The following ATP6V0A4 variants were observed in gnomAD, a reference collection of about 807,000 sequenced individuals.
ATP6V0A4 encodes V-type proton ATPase 116 kDa subunit a 4.
ATP6V0A4 carries 86 observed loss-of-function variants against 107.3 expected under a neutral mutation model. The ratio of observed to expected loss-of-function variants is 0.80; its 90% CI spans 0.67 to 0.96. The LOEUF (loss-of-function observed/expected upper bound fraction) is 0.96, where lower values mean the gene tolerates loss of function less well. Ranked by LOEUF, ATP6V0A4 falls within the 40% of genes least tolerant of loss-of-function variation. The probability of loss-of-function intolerance (pLI) is 0.00; values close to 1 mark genes in which losing one functional copy is unlikely to be tolerated. For synonymous variants in ATP6V0A4, 353 were observed against 381.4 expected, an observed-to-expected ratio of 0.93 and a Z score of 0.87; for missense variants, 908 against 1,045.6, an observed-to-expected ratio of 0.87 and a Z score of 1.81.
chr7:138,716,131 T>A (rs538548561), intron 19 of ATP6V0A4, among the ~76,000 whole-genome samples: 6 of 152,060 alleles, frequency 3.9e-5, no homozygotes, highest in Admixed American at 3.9e-4. Flanking sequence ...TAAGGGGAGA[T>A]GAGATTTGTG....
At chr7:138,712,748 C>G (rs1407562288) in intron 20 of ATP6V0A4, among the ~76,000 whole-genome samples, 1 of 150,452 alleles carries the variant, frequency 6.6e-6, no homozygotes, top group Admixed American at 6.6e-5. Flanking sequence ...CAAATGACCC[C>G]CTCAGTGTGT....
chr7:138,787,936 G>C (rs7802478), intron 1 of ATP6V0A4, among the ~76,000 whole-genome samples: 6,527 of 152,170 alleles, frequency 0.043, 188 homozygotes, highest in African/African-American at 0.082. Flanking sequence ...GGAGGTGGAG[G>C]CTACAGTGAG....
At chr7:138,743,807 C>A (rs1338993722) in intron 14 of ATP6V0A4, among the ~76,000 whole-genome samples, 1 of 152,168 alleles carries the variant, frequency 6.6e-6, no homozygotes, top group Non-Finnish European at 1.5e-5. Context: ...GTAGGTTTTA[C>A]AAATTAGCCC....
Position 138,752,659 on chromosome 7 carries a change from G to A in ATP6V0A4, c.995C>T (p.Ala332Val), listed in dbSNP as rs375991138. The A allele has an allele frequency of 6.2e-6, 10 of 1,613,706 alleles. No homozygotes were observed. Among genetic ancestry groups the A allele is most frequent in the African/African-American group, 1.3e-5 (1 of 74,906 alleles). ...IAEIWFPVAD[A>V]TRIKRALEQG... The stretch of plus-strand genomic sequence containing the variant: ...CTCCAGTGCCCTCTTGATACGTGTG[G>A]CATCTGCCACCGGGAACCAGATCTC... Residue 332 changes from alanine (A) to valine (V), a missense_variant, in exon 11 of 22, where the codon GCC becomes GTC. By Grantham distance (64) the Ala-to-Val change is moderately conservative. Transcript: ENST00000310018.
rs762619384 is a variant in ATP6V0A4 at position 138,715,867 on chromosome 7, G to A, written c.2154C>T (p.Asp718=). ...DDHGEEFNFG[D]VFVHQAIHTI... The stretch of plus-strand genomic sequence containing the variant: ...TGTGGATGGCTTGGTGGACAAAGAC[G>A]TCTCCAAAGTTGAACTGAAAGACGG... Residue 718 remains aspartate (D), a synonymous_variant, in exon 20 of 22, where the codon GAC becomes GAT. Transcript: ENST00000310018. 1.8e-5 allele frequency: 29 copies of A among 1,613,122 alleles called. 1 individual carries two copies. The highest frequency in any genetic ancestry group is 9.9e-5 in the South Asian group (9 of 91,028).
At chr7:138,762,522 G>C in intron 6 of ATP6V0A4, 88 bp from the exon 7 acceptor site, 2 of 1,571,000 alleles carry the variant, frequency 1.3e-6, no homozygotes, top group Middle Eastern at 1.7e-4. Flanking sequence ...TCTGGTTTTA[G>C]TGAAGCTTTA....
At chr7:138,731,852 C>T (rs1416457577) in intron 17 of ATP6V0A4, among the ~76,000 whole-genome samples, 1 of 151,868 alleles carries the variant, frequency 6.6e-6, no homozygotes, top group Non-Finnish European at 1.5e-5. Flanking sequence ...AAGATCGTGC[C>T]ACTGCACTCC....
intron 19 of ATP6V0A4, among the ~76,000 whole-genome samples, chr7:138,716,598 C>G (rs1334745002): frequency 2.0e-5 from 3 of 151,124 alleles, no homozygotes; most frequent in African/African-American, 7.3e-5. Flanking sequence ...GGGTCTTGCT[C>G]TGTCACTCAG....
chr7:138,788,814 T>C (rs1004917933), intron 1 of ATP6V0A4, among the ~76,000 whole-genome samples: 3 of 152,216 alleles, frequency 2.0e-5, no homozygotes, highest in African/African-American at 7.2e-5. Context: ...TCACACGCTT[T>C]CTTGCCTGCC....
chr7:138,769,312 CTTTT>C (rs540481545), intron 3 of ATP6V0A4, 61 bp from the exon 4 acceptor site: 1,010 of 1,320,212 alleles, frequency 7.7e-4, no homozygotes, highest in East Asian at 1.9e-3. Flanking sequence ...AGATTTCTTT[CTTTT>C]TTTTTTTTTT....
chr7:138,768,984 G>A, intron 4 of ATP6V0A4, 110 bp from the exon 5 acceptor site: 1 of 1,575,448 alleles, frequency 6.3e-7, no homozygotes, highest in African/African-American at 1.4e-5. Flanking sequence ...TACCTGAATT[G>A]TCCTAGGAGC....
chr7:138,707,182 A>G (rs1181947157), intron 21 of ATP6V0A4, among the ~76,000 whole-genome samples: 2 of 62,440 alleles, frequency 3.2e-5, no homozygotes, highest in African/African-American at 1.4e-4. Context: ...ATATTATATA[A>G]TATATTATAT....
intron 1 of ATP6V0A4, among the ~76,000 whole-genome samples, chr7:138,792,285 G>A (rs1326558667): frequency 9.9e-5 from 15 of 152,134 alleles, no homozygotes; most frequent in Admixed American, 4.6e-4. Flanking sequence ...CAGCCTGGGC[G>A]AGTGGGTAAA....
At chr7:138,769,139 A>G (rs1327221387) in intron 4 of ATP6V0A4, 34 bp downstream of exon 4, 2 of 1,527,984 alleles carry the variant, frequency 1.3e-6, no homozygotes, top group Non-Finnish European at 8.8e-7. Flanking sequence ...TTCACATTTG[A>G]ACAGTAAGAA....
chr7:138,797,844 G>T (rs1808758068), intron 1 of ATP6V0A4, 190 bp downstream of exon 1: 4 of 652,482 alleles, frequency 6.1e-6, no homozygotes, highest in South Asian at 3.6e-5. Context: ...GCGCTCAGGG[G>T]AGAAGGGCAC....
rs1806481582 is a variant in ATP6V0A4 at position 138,755,748 on chromosome 7, C to T, written c.757G>A (p.Ala253Thr). 6.2e-7 allele frequency: 1 copy of T among 1,613,756 alleles called. No homozygotes were observed. The highest frequency in any genetic ancestry group is 1.3e-5 in the African/African-American group (1 of 74,950). The change falls in exon 10 of 22, where the codon GCG becomes ACG. Residue 253 changes from alanine (A) to threonine (T), a missense_variant. Physicochemically the swap from Ala to Thr is moderately conservative, Grantham distance 58. Transcript: ENST00000310018. ...TCCAACATCTCTCTGCGCTCCACCG[C>T]AGGCTCTGGGCAAGGGTAGACAGTG... ...RATVYPCPEP[A>T]VERREMLESV...
rs531117418 is a variant in ATP6V0A4 at position 138,747,453 on chromosome 7, C to A, written c.1292G>T (p.Arg431Leu). Residue 431 changes from arginine (R) to leucine (L), a missense_variant, in exon 13 of 22, where the codon CGC (arginine) becomes CTC (leucine). Transcript: ENST00000310018. ...AALWMILNER[R>L]LLSQKTDNEI... ...ATTGTCTGTCTTCTGGGAGAGCAAG[C>A]GTCTCTCATTCAGAATCATCCAAAG... 6 of 1,614,148 alleles carry A rather than the reference C, an allele frequency of 3.7e-6. No homozygotes were observed. In the African/African-American group the frequency reaches 5.3e-5, roughly 14 times the overall value.
At chr7:138,730,248 A>T (rs1265374356) in intron 17 of ATP6V0A4, among the ~76,000 whole-genome samples, 2 of 151,928 alleles carry the variant, frequency 1.3e-5, no homozygotes, top group African/African-American at 4.8e-5. Flanking sequence ...GAACTTATCC[A>T]TCCTAGTACC....
intron 3 of ATP6V0A4, 57 bp from the exon 4 acceptor site, chr7:138,769,308 CTTTCTT>C: frequency 1.6e-6 from 2 of 1,248,442 alleles, no homozygotes; most frequent in African/African-American, 1.8e-5. Context: ...CAATAGATTT[CTTTCTT>C]TTTTTTTTTT....
Sources: allele counts gnomAD v4.1 joint callset (sites outside exome capture counted in the v4.1 genomes callset), GRCh38; gene constraint gnomAD v4.1.1; transcripts MANE v1.5; gene names NCBI Gene and HGNC (gene_info 2026-07-23, HGNC 2026-07-21).